GRIN2B: variants seen among roughly 807,000 people sequenced by gnomAD.
GRIN2B encodes the protein glutamate ionotropic receptor NMDA type subunit 2B.
A neutral mutation model predicts 114.5 loss-of-function variants in GRIN2B; 5 were observed. That is an observed-to-expected ratio of 0.04 (90% CI 0.02 to 0.09). The LOEUF (loss-of-function observed/expected upper bound fraction) is 0.09, where lower values mean the gene tolerates loss of function less well. Among genes scored for constraint, GRIN2B ranks in the 10% least tolerant of loss-of-function variants. GRIN2B has a pLI of 1.00. For missense variants in GRIN2B, 1,108 were observed against 1,943.5 expected, an observed-to-expected ratio of 0.57 and a Z score of 8.08; for synonymous variants, 787 against 745.1, an observed-to-expected ratio of 1.06 and a Z score of -0.92.
intron 3 of GRIN2B, among the ~76,000 whole-genome samples, chr12:13,795,433 A>T (rs1187198615): frequency 6.6e-6 from 1 of 151,942 alleles, no homozygotes; most frequent in African/African-American, 2.4e-5. Flanking sequence ...ATGCACTTTC[A>T]CTATGCTGCT....
At chr12:13,860,954 G>T (rs765161885) in intron 3 of GRIN2B, among the ~76,000 whole-genome samples, 6 of 152,124 alleles carry the variant, frequency 3.9e-5, no homozygotes, top group Non-Finnish European at 5.9e-5. Flanking sequence ...CATTGACTCT[G>T]TCATTCCCTA....
At chr12:13,661,628 C>T (rs192764775) in intron 5 of GRIN2B, among the ~76,000 whole-genome samples, 72 of 152,262 alleles carry the variant, frequency 4.7e-4, no homozygotes, top group Middle Eastern at 6.8e-3. Context: ...TTTTCGAACT[C>T]ATCCGTGTTC....
At chr12:13,954,757 C>A (rs112795655) in intron 2 of GRIN2B, among the ~76,000 whole-genome samples, 1 of 128,748 alleles carries the variant, frequency 7.8e-6, no homozygotes, top group Non-Finnish European at 1.6e-5. Context: ...TGCTGTGAGC[C>A]GAGATCTTGC....
intron 2 of GRIN2B, among the ~76,000 whole-genome samples, chr12:13,945,478 G>T (rs1015325505): frequency 3.3e-5 from 5 of 152,194 alleles, no homozygotes; most frequent in African/African-American, 9.7e-5. Context: ...ACCTACCGCT[G>T]TTGATACGAG....
intron 2 of GRIN2B, among the ~76,000 whole-genome samples, chr12:13,952,122 T>C (rs1268284274): frequency 1.3e-5 from 2 of 151,874 alleles, no homozygotes; most frequent in Non-Finnish European, 2.9e-5. Flanking sequence ...GATATAAAAA[T>C]AAAAATGTAT....
intron 12 of GRIN2B, among the ~76,000 whole-genome samples, chr12:13,569,441 T>C (rs1184511404): frequency 2.0e-5 from 3 of 152,116 alleles, no homozygotes; most frequent in Non-Finnish European, 4.4e-5. Context: ...TAAAACACCA[T>C]GTGAACATGA....
intron 2 of GRIN2B, among the ~76,000 whole-genome samples, chr12:13,878,396 G>A (rs762612530): frequency 3.9e-5 from 6 of 152,172 alleles, no homozygotes; most frequent in Non-Finnish European, 2.9e-5. Flanking sequence ...TTCCTCCTTC[G>A]GGGCCACGGG....
chr12:13,743,298 C>T (rs1225705816), intron 4 of GRIN2B, among the ~76,000 whole-genome samples: 2 of 152,140 alleles, frequency 1.3e-5, no homozygotes, highest in Non-Finnish European at 2.9e-5. Context: ...GTTCTAGATA[C>T]ATCAGGTTGT....
At chr12:13,731,636 C>T (rs1426539645) in intron 4 of GRIN2B, among the ~76,000 whole-genome samples, 1 of 152,030 alleles carries the variant, frequency 6.6e-6, no homozygotes, top group Non-Finnish European at 1.5e-5. Flanking sequence ...ACAAAAGAAA[C>T]CAAAAGCCCA....
chr12:13,877,562 TCTC>T (rs1866008894), intron 2 of GRIN2B, among the ~76,000 whole-genome samples: 1 of 152,164 alleles, frequency 6.6e-6, no homozygotes, highest in African/African-American at 2.4e-5. Context: ...TCCTCCTCTC[TCTC>T]CTTTCTCCCA....
intron 10 of GRIN2B, among the ~76,000 whole-genome samples, chr12:13,574,978 T>C (rs1398930219): frequency 1.3e-5 from 2 of 152,186 alleles, no homozygotes; most frequent in Non-Finnish European, 2.9e-5. Flanking sequence ...CTTTAACAAA[T>C]GGTGTTGGAA....
At chr12:13,829,649 G>T (rs1418284047) in intron 3 of GRIN2B, among the ~76,000 whole-genome samples, 1 of 152,168 alleles carries the variant, frequency 6.6e-6, no homozygotes, top group African/African-American at 2.4e-5. Flanking sequence ...AATTAAAATT[G>T]GAATCCTCTT....
At chr12:13,934,066 T>C (rs900623654) in intron 2 of GRIN2B, among the ~76,000 whole-genome samples, 6 of 152,262 alleles carry the variant, frequency 3.9e-5, no homozygotes, top group African/African-American at 1.4e-4. Flanking sequence ...CTATTTCTGC[T>C]GTTTTCTGTA....
chr12:13,575,263 C>A (rs150971150), intron 10 of GRIN2B, among the ~76,000 whole-genome samples: 1 of 152,086 alleles, frequency 6.6e-6, no homozygotes, highest in South Asian at 2.1e-4. Flanking sequence ...AGATAAGCCA[C>A]CGACTGGGAA....
chr12:13,734,637 TTG>T (rs1168918949), intron 4 of GRIN2B, among the ~76,000 whole-genome samples: 4 of 152,230 alleles, frequency 2.6e-5, no homozygotes, highest in Admixed American at 6.5e-5. Flanking sequence ...TAGAAAATGT[TTG>T]TGTCTACTGT....
chr12:13,567,103 G>T lies in GRIN2B; in HGVS notation c.2520C>A (p.His840Gln). ...ALSLITFICE[H>Q]LFYWQFRHCF... ...AATGTCGGAACTGCCAATAGAAAAG[G>T]TGTTCGCAGATGAAGGTGATGAGGC... Residue 840 changes from histidine to glutamine, a missense_variant, in exon 13 of 14, where the codon CAC becomes CAA. This residue lies in a region of GRIN2B where 30 missense variants were observed against 35.9 expected (regional missense o/e 0.84). Transcript: ENST00000609686. 6.2e-7 allele frequency: 1 copy of T among 1,614,176 alleles called. No homozygotes were observed. The highest frequency in any genetic ancestry group is 8.5e-7 in the Non-Finnish European group (1 of 1,180,006).
intron 2 of GRIN2B, among the ~76,000 whole-genome samples, chr12:13,971,614 G>T (rs1262220453): frequency 6.6e-6 from 1 of 152,034 alleles, no homozygotes; most frequent in Non-Finnish European, 1.5e-5. Flanking sequence ...AATCAATCAA[G>T]GTCTGCTTAG....
chr12:13,711,211 T>A lies in GRIN2B; in HGVS notation c.1011-35352A>T, dbSNP rs1000891765. ...TGAAACTGGATCCCTTCCTTATACCTTATACAAAAATTAATTCAAGATGGA... is the reference window on the plus strand; with the variant it reads ...TGAAACTGGATCCCTTCCTTATACCATATACAAAAATTAATTCAAGATGGA... On this transcript the variant is annotated intron_variant, in intron 4 of 13. Transcript: ENST00000609686. Among the ~76,000 whole-genome samples the A allele has an allele frequency of 2.6e-5, 4 of 151,468 alleles. No individual in the cohort carries two copies. The East Asian group carries it at 5.9e-4, about 22-fold the overall frequency.
Position 13,669,088 on chromosome 12 carries a change from A to G in GRIN2B, c.1125+6657T>C, listed in dbSNP as rs553470007. Among the ~76,000 whole-genome samples the G allele has an allele frequency of 6.2e-4, 95 of 152,050 alleles. 1 individual carries two copies. In the Middle Eastern group the frequency reaches 0.01, roughly 16 times the overall value. The stretch of plus-strand genomic sequence containing the variant: ...CATTGTTGCTTGCACGGGACTGTAC[A>G]TTACAGAGAGACAAGGACATATACA... On this transcript the variant is annotated intron_variant, in intron 5 of 13. Transcript: ENST00000609686.
Sources: gnomAD v4.1 joint callset for allele counts (sites outside exome capture counted in the v4.1 genomes callset) on GRCh38, gnomAD v4.1.1 for gene constraint, gnomAD v4.1.1 regional missense constraint, MANE v1.5 for transcripts, NCBI Gene and HGNC (gene_info 2026-07-23, HGNC 2026-07-21) for gene names.